Variants in PREX2 observed in about 807,000 individuals in gnomAD.
PREX2 encodes phosphatidylinositol-3,4,5-trisphosphate dependent Rac exchange factor 2.
A neutral mutation model predicts 203.2 loss-of-function variants in PREX2; 107 were observed. The ratio of observed to expected loss-of-function variants is 0.53; its 90% CI spans 0.45 to 0.62. PREX2 has a LOEUF of 0.62. PREX2 is among the 20% of genes least tolerant of loss of function. PREX2 has a pLI of 0.00. For missense variants in PREX2, 1,777 were observed against 1,955.9 expected (o/e 0.91, Z 1.72); for synonymous variants, 672 against 663.6 (o/e 1.01, Z -0.19).
chr8:68,049,702 A>G (rs1371884397), intron 8 of PREX2, among the ~76,000 whole-genome samples: 1 of 152,184 alleles, frequency 6.6e-6, no homozygotes, highest in African/African-American at 2.4e-5. Flanking sequence ...TTAACATTTT[A>G]GATCCATTGA....
At chr8:68,154,462 T>A (rs2164168) in intron 34 of PREX2, among the ~76,000 whole-genome samples, 64,803 of 152,152 alleles carry the variant, frequency 0.43, 13,936 homozygotes, top group African/African-American at 0.45. Context: ...GAAACTGGAA[T>A]TTTACTCTAA....
chr8:68,215,416 A>G (rs553771576), intron 37 of PREX2, among the ~76,000 whole-genome samples: 55 of 152,268 alleles, frequency 3.6e-4, no homozygotes, highest in Admixed American at 5.9e-4. Flanking sequence ...AATGAACATT[A>G]TTGATTAAAA....
At chr8:68,062,699 T>C (rs1808893486) in intron 11 of PREX2, among the ~76,000 whole-genome samples, 1 of 152,182 alleles carries the variant, frequency 6.6e-6, no homozygotes, top group Non-Finnish European at 1.5e-5. Flanking sequence ...TCCATGACCC[T>C]TTGACTTTTA....
intron 18 of PREX2, among the ~76,000 whole-genome samples, chr8:68,086,558 G>A (rs989385891): frequency 2.0e-5 from 3 of 152,042 alleles, no homozygotes; most frequent in South Asian, 4.2e-4. Flanking sequence ...ATTTGTTTTT[G>A]TTCCCGGCTG....
chr8:68,210,856 A>T (rs977780591), intron 37 of PREX2, among the ~76,000 whole-genome samples: 5 of 152,212 alleles, frequency 3.3e-5, no homozygotes, highest in African/African-American at 1.2e-4. Flanking sequence ...GTCATCTTAA[A>T]GGGGAGGGTT....
At chr8:68,196,459 G>A (rs1001334) in intron 37 of PREX2, among the ~76,000 whole-genome samples, 94,176 of 146,248 alleles carry the variant, frequency 0.64, 30,667 homozygotes, top group East Asian at 0.81. Context: ...TAATAAAATG[G>A]AGACACTATA....
chr8:68,098,970 A>ATATATT (rs1385563007), intron 22 of PREX2, among the ~76,000 whole-genome samples: 10 of 126,380 alleles, frequency 7.9e-5, no homozygotes, highest in Non-Finnish European at 1.4e-4. Context: ...ATATATATAT[A>ATATATT]TATATATCTC....
At chr8:68,098,395 A>G (rs1044128576) in intron 22 of PREX2, among the ~76,000 whole-genome samples, 3 of 152,152 alleles carry the variant, frequency 2.0e-5, no homozygotes, top group African/African-American at 4.8e-5. Context: ...TAATTATTTT[A>G]TCTTTTGGTT....
At chr8:68,123,246 A>G (rs1034956339) in intron 30 of PREX2, among the ~76,000 whole-genome samples, 1 of 152,134 alleles carries the variant, frequency 6.6e-6, no homozygotes, top group African/African-American at 2.4e-5. Flanking sequence ...CAATGTTAAG[A>G]GGAAAATTTG....
chr8:67,969,997 A>G (rs2129018842), intron 1 of PREX2, among the ~76,000 whole-genome samples: 1 of 152,330 alleles, frequency 6.6e-6, no homozygotes, highest in South Asian at 2.1e-4. Context: ...AATTTGCTCT[A>G]ATTCCTAGTA....
intron 1 of PREX2, among the ~76,000 whole-genome samples, chr8:67,976,591 GAGAGAGAC>G (rs1806105572): frequency 6.7e-5 from 9 of 135,314 alleles, no homozygotes; most frequent in African/African-American, 2.5e-4. Flanking sequence ...AGAGAGATGG[GAGAGAGAC>G]AGAGAGAGAG....
chr8:68,212,456 G>A lies in PREX2; in HGVS notation c.4605-5160G>A, dbSNP rs143315263. ...AGTAATGGAGACTTGGGGGTCTGAA[G>A]TTAAGTAAAATAAAGTCAGAAAGAA... On this transcript the variant is annotated intron_variant, in intron 37 of 39. Coordinates refer to ENST00000288368, the MANE Select transcript of PREX2 (RefSeq NM_024870.4). 6.5e-3 allele frequency among the ~76,000 whole-genome samples: 995 copies of A among 152,242 alleles called. 10 individuals carry two copies. Among genetic ancestry groups the A allele is most frequent in the African/African-American group, 0.022 (922 of 41,528 alleles).
chr8:68,166,960 T>G (rs1811772925), intron 35 of PREX2, among the ~76,000 whole-genome samples: 1 of 152,116 alleles, frequency 6.6e-6, no homozygotes, highest in Non-Finnish European at 1.5e-5. Flanking sequence ...AAGTTAAAAA[T>G]TTATTCTTGC....
At chr8:68,145,465 C>T (rs1034213839) in intron 33 of PREX2, among the ~76,000 whole-genome samples, 7 of 151,990 alleles carry the variant, frequency 4.6e-5, no homozygotes, top group Admixed American at 2.6e-4. Context: ...TATTAAATGC[C>T]GATTACATTT....
At chr8:68,023,356 ATTTGTATTTTGCCAGTGACTAATTACAT>A (rs1807623859) in intron 4 of PREX2, among the ~76,000 whole-genome samples, 1 of 152,134 alleles carries the variant, frequency 6.6e-6, no homozygotes, top group African/African-American at 2.4e-5. Context: ...GGTGGTTTAA[ATTTGTATTTTGCCAGTGACTAATTACAT>A]TAAGCATGCT....
intron 8 of PREX2, among the ~76,000 whole-genome samples, chr8:68,047,490 T>TATATATATATAC (rs1563516935): frequency 5.2e-5 from 6 of 115,320 alleles, no homozygotes; most frequent in African/African-American, 3.5e-4. Flanking sequence ...TATATATATA[T>TATATATATATAC]ATATATATAT....
At chr8:68,211,390 AC>A (rs1812739668) in intron 37 of PREX2, among the ~76,000 whole-genome samples, 1 of 152,188 alleles carries the variant, frequency 6.6e-6, no homozygotes, top group Non-Finnish European at 1.5e-5. Flanking sequence ...AAAAGTATAA[AC>A]CTTTTAAATA....
At chr8:68,074,185 G>A (rs1353463871) in intron 14 of PREX2, among the ~76,000 whole-genome samples, 7 of 152,022 alleles carry the variant, frequency 4.6e-5, no homozygotes, top group Non-Finnish European at 8.8e-5. Flanking sequence ...CAGGCAGCTC[G>A]AACCTCTGAC....
chr8:68,010,627 ATGATTATTAACC>A (rs765762206), intron 1 of PREX2, among the ~76,000 whole-genome samples: 27 of 152,176 alleles, frequency 1.8e-4, no homozygotes, highest in Non-Finnish European at 2.1e-4. Flanking sequence ...TGAGGCACAT[ATGATTATTAACC>A]TGATTTAATG....
Sources: gnomAD v4.1 joint callset for allele counts (sites outside exome capture counted in the v4.1 genomes callset) on GRCh38, gnomAD v4.1.1 for gene constraint, MANE v1.5 for transcripts, NCBI Gene and HGNC (gene_info 2026-07-23, HGNC 2026-07-21) for gene names.